The following EEPD1 variants were observed in gnomAD, a reference collection of about 807,000 sequenced individuals.
The protein encoded by EEPD1 is endonuclease/exonuclease/phosphatase family domain containing 1.
Under a neutral mutation model 46.3 loss-of-function variants are expected in EEPD1, and 17 were observed. The observed-to-expected ratio is 0.37, with a 90% CI of 0.25 to 0.55. The LOEUF (loss-of-function observed/expected upper bound fraction) is 0.55. EEPD1 is among the 20% of genes least tolerant of loss of function. The pLI is 0.83. For synonymous variants in EEPD1, 313 were observed against 315.6 expected (o/e 0.99, Z 0.09); for missense variants, 673 against 745.6 (o/e 0.90, Z 1.13).
At chr7:36,176,802 G>A (rs143952460) in intron 2 of EEPD1, among the ~76,000 whole-genome samples, 10 of 152,128 alleles carry the variant, frequency 6.6e-5, no homozygotes, top group South Asian at 2.1e-4. Flanking sequence ...AATCCTTTAC[G>A]GTGAGGAAAA....
chr7:36,245,212 T>G (rs543550744), intron 3 of EEPD1, among the ~76,000 whole-genome samples: 1 of 152,284 alleles, frequency 6.6e-6, no homozygotes, highest in Non-Finnish European at 1.5e-5. Context: ...TCTCCCAAAG[T>G]GCTGGGATTA....
intron 3 of EEPD1, among the ~76,000 whole-genome samples, chr7:36,244,955 G>GT (rs1031959364): frequency 8.3e-5 from 12 of 145,224 alleles, no homozygotes; most frequent in East Asian, 8.1e-4. Context: ...TTTTTTTGTT[G>GT]TTTTTTTTGA....
chr7:36,269,598 A>T (rs1456145151), intron 3 of EEPD1, among the ~76,000 whole-genome samples: 1 of 152,160 alleles, frequency 6.6e-6, no homozygotes, highest in East Asian at 1.9e-4. Context: ...ACAGGCAGGT[A>T]TATTAAAACA....
At chr7:36,269,684 C>T (rs1583472898) in intron 3 of EEPD1, among the ~76,000 whole-genome samples, 1 of 151,338 alleles carries the variant, frequency 6.6e-6, no homozygotes, top group Non-Finnish European at 1.5e-5. Flanking sequence ...TCGCCTGAAC[C>T]CAGGAGTTTA....
chr7:36,281,474 G>A (rs1787261610), intron 4 of EEPD1, among the ~76,000 whole-genome samples: 1 of 152,278 alleles, frequency 6.6e-6, no homozygotes, highest in African/African-American at 2.4e-5. Flanking sequence ...GGGGAGAAAG[G>A]CAACAAATGG....
chr7:36,164,388 A>G (rs2700910), intron 2 of EEPD1, among the ~76,000 whole-genome samples: 1 of 152,166 alleles, frequency 6.6e-6, no homozygotes, highest in Non-Finnish European at 1.5e-5. Flanking sequence ...TGGTAAGCAC[A>G]TGATGCCCTA....
At chr7:36,220,397 G>C (rs757238641) in intron 2 of EEPD1, among the ~76,000 whole-genome samples, 2 of 152,198 alleles carry the variant, frequency 1.3e-5, no homozygotes, top group Non-Finnish European at 2.9e-5. Flanking sequence ...ACCAGTCAGA[G>C]AGCCCTCCTT....
At chr7:36,288,005 G>C (rs1787368160) in intron 6 of EEPD1, among the ~76,000 whole-genome samples, 1 of 152,136 alleles carries the variant, frequency 6.6e-6, no homozygotes, top group Admixed American at 6.5e-5. Flanking sequence ...CAGCTCTGTG[G>C]CTTTTTAGCC....
Position 36,260,320 on chromosome 7 carries a change from G to A in EEPD1, c.931-20795G>A, listed in dbSNP as rs1786901804. Among the ~76,000 whole-genome samples the A allele has an allele frequency of 3.3e-5, 5 of 152,228 alleles. No individual in the cohort carries two copies. The South Asian group carries it at 8.3e-4, about 25-fold the overall frequency. ...TTTTTGAAAGATAGTTTTCCTGGAT[G>A]TAAGATTGGTTGACAGTTTTTCTCT... On this transcript the variant is annotated intron_variant, in intron 3 of 7. Transcript: ENST00000242108.
intron 2 of EEPD1, among the ~76,000 whole-genome samples, chr7:36,157,532 C>T (rs541192166): frequency 4.6e-5 from 7 of 152,272 alleles, no homozygotes; most frequent in South Asian, 4.1e-4. Flanking sequence ...GAACTACTGT[C>T]GTCAGGCAAG....
intron 3 of EEPD1, among the ~76,000 whole-genome samples, chr7:36,245,168 G>A (rs1322162392): frequency 2.0e-5 from 3 of 152,068 alleles, no homozygotes; most frequent in Non-Finnish European, 2.9e-5. Flanking sequence ...GGCTGGTCTT[G>A]ATCTCCGGGC....
At chr7:36,192,193 G>T (rs903087439) in intron 2 of EEPD1, among the ~76,000 whole-genome samples, 1 of 152,230 alleles carries the variant, frequency 6.6e-6, no homozygotes. Flanking sequence ...TTTAAACACC[G>T]TAAGTGATGG....
At chr7:36,248,930 C>T (rs1439715787) in intron 3 of EEPD1, among the ~76,000 whole-genome samples, 1 of 151,546 alleles carries the variant, frequency 6.6e-6, no homozygotes, top group Non-Finnish European at 1.5e-5. Flanking sequence ...AGGGTCCACC[C>T]AGGACCTCGC....
chr7:36,285,720 G>C (rs577962519), intron 5 of EEPD1, among the ~76,000 whole-genome samples: 2 of 152,188 alleles, frequency 1.3e-5, no homozygotes, highest in Admixed American at 1.3e-4. Flanking sequence ...CCTGCTTTCT[G>C]TGTGCTCCAG....
At chr7:36,171,503 A>G (rs934115676) in intron 2 of EEPD1, among the ~76,000 whole-genome samples, 5 of 152,224 alleles carry the variant, frequency 3.3e-5, no homozygotes, top group African/African-American at 1.2e-4. Context: ...TAGTTCAGAC[A>G]TCATTGATTG....
At chr7:36,184,143 T>C (rs1785321784) in intron 2 of EEPD1, among the ~76,000 whole-genome samples, 1 of 152,230 alleles carries the variant, frequency 6.6e-6, no homozygotes, top group Admixed American at 6.5e-5. Flanking sequence ...TGAAAGTAGC[T>C]ACAGCTGATA....
At position 36,298,980 on chromosome 7, in the gene EEPD1, C is replaced by A. The variant is rs11773889; in HGVS notation, c.1511-27C>A. On this transcript the variant is annotated intron_variant, in intron 7 of 7. Transcript: ENST00000242108. ...GCACCCAACCCCCCATCCTGATTCC[C>A]GGTCTCTTTCCTTCCTCTCCCTTCA... is the stretch of plus-strand genomic sequence containing the variant. 10 of 1,609,886 alleles carry A rather than the reference C, an allele frequency of 6.2e-6. No individual in the cohort carries two copies. The South Asian group carries it at 1.0e-4, about 16-fold the overall frequency.
chr7:36,286,913 C>T (rs1787349566), intron 5 of EEPD1, among the ~76,000 whole-genome samples: 1 of 152,096 alleles, frequency 6.6e-6, no homozygotes, highest in South Asian at 2.1e-4. Flanking sequence ...GATCCTCCCA[C>T]CTCAGCCTTC....
intron 2 of EEPD1, among the ~76,000 whole-genome samples, chr7:36,207,247 A>G (rs1383995833): frequency 6.6e-6 from 1 of 152,168 alleles, no homozygotes; most frequent in Non-Finnish European, 1.5e-5. Context: ...GGTAGTGGGA[A>G]TATGAGTGCA....
Sources: allele counts gnomAD v4.1 joint callset (sites outside exome capture counted in the v4.1 genomes callset), GRCh38; gene constraint gnomAD v4.1.1; transcripts MANE v1.5; gene names NCBI Gene and HGNC (gene_info 2026-07-23, HGNC 2026-07-21).